The following MAGI2 variants were observed in gnomAD, a reference collection of about 807,000 sequenced individuals.
MAGI2 encodes the protein membrane-associated guanylate kinase, WW and PDZ domain-containing protein 2.
A neutral mutation model predicts 133.3 loss-of-function variants in MAGI2; 35 were observed. The ratio of observed to expected loss-of-function variants is 0.26; its 90% CI spans 0.20 to 0.35. MAGI2 has a LOEUF of 0.35. MAGI2 is among the 10% of genes least tolerant of loss of function. MAGI2 has a pLI of 1.00. For synonymous variants in MAGI2, 729 were observed against 710.6 expected, an observed-to-expected ratio of 1.03 and a Z score of -0.41; for missense variants, 1,636 against 1,863.4, an observed-to-expected ratio of 0.88 and a Z score of 2.25.
At chr7:78,600,331 G>A (rs569447239) in intron 3 of MAGI2, among the ~76,000 whole-genome samples, 6 of 152,018 alleles carry the variant, frequency 3.9e-5, no homozygotes, top group Non-Finnish European at 8.8e-5. Context: ...TAGATGGAGA[G>A]TTAACTAGAC....
chr7:79,453,568 C>T lies in MAGI2; in HGVS notation c.-248G>A. Reference sequence around the variant, plus strand: ...GTTGTGCTGTCCCTTGAATGACACTCAAGGCTGTGGCCCCGCAGCAGAGGA... The same window carrying T: ...GTTGTGCTGTCCCTTGAATGACACTTAAGGCTGTGGCCCCGCAGCAGAGGA... On this transcript the variant is annotated 5_prime_UTR_variant, in exon 1 of 22. Coordinates refer to ENST00000354212, the MANE Select transcript of MAGI2 (RefSeq NM_012301.4). The T allele has an allele frequency of 2.5e-6, 3 of 1,206,886 alleles. No homozygotes were observed. Among genetic ancestry groups the T allele is most frequent in the Non-Finnish European group, 3.1e-6 (3 of 971,430 alleles). The allele number at this position is 1,206,886 out of a possible 1,614,324, so 74.8% of individuals were successfully genotyped here. A position where few individuals can be genotyped will look rare whatever the true frequency, so the allele number is the denominator to read the frequency against.
At chr7:78,279,943 C>T (rs1294955868) in intron 9 of MAGI2, among the ~76,000 whole-genome samples, 1 of 152,126 alleles carries the variant, frequency 6.6e-6, no homozygotes, top group Non-Finnish European at 1.5e-5. Flanking sequence ...ATCCTCAAAC[C>T]CAGCAGCAAT....
At chr7:79,439,905 C>T (rs987233479) in intron 1 of MAGI2, among the ~76,000 whole-genome samples, 13 of 152,120 alleles carry the variant, frequency 8.5e-5, no homozygotes, top group African/African-American at 2.9e-4. Context: ...TATGCATACA[C>T]GATTTCCAGT....
chr7:78,677,878 G>T (rs182215670), intron 2 of MAGI2, among the ~76,000 whole-genome samples: 11 of 152,196 alleles, frequency 7.2e-5, no homozygotes, highest in Admixed American at 7.2e-4. Flanking sequence ...CAGCGTCTGG[G>T]GGAGCTGTCA....
chr7:78,884,844 T>A (rs1324075055), intron 2 of MAGI2, among the ~76,000 whole-genome samples: 1 of 151,928 alleles, frequency 6.6e-6, no homozygotes. Flanking sequence ...AAAATAAGTG[T>A]TTCTACTAAA....
chr7:78,294,104 A>G (rs1480974142), intron 9 of MAGI2, among the ~76,000 whole-genome samples: 8 of 152,262 alleles, frequency 5.3e-5, no homozygotes, highest in African/African-American at 1.9e-4. Context: ...TTCTTTAGGA[A>G]ATACTTGCCA....
intron 2 of MAGI2, among the ~76,000 whole-genome samples, chr7:78,912,618 T>C (rs1798482932): frequency 6.6e-6 from 1 of 151,870 alleles, no homozygotes; most frequent in African/African-American, 2.4e-5. Context: ...CTCCAAGTTC[T>C]TCAGTTTTGA....
intron 3 of MAGI2, among the ~76,000 whole-genome samples, chr7:78,621,799 T>A (rs969196901): frequency 6.6e-6 from 1 of 152,034 alleles, no homozygotes; most frequent in Non-Finnish European, 1.5e-5. Flanking sequence ...GGACAATCTA[T>A]CTGATTTCTA....
At chr7:78,272,087 A>C (rs1794638174) in intron 9 of MAGI2, among the ~76,000 whole-genome samples, 2 of 152,198 alleles carry the variant, frequency 1.3e-5, no homozygotes, top group Non-Finnish European at 2.9e-5. Context: ...ATTTAGTGTT[A>C]TAAATTTCCC....
At chr7:79,198,203 T>C (rs1279363700) in intron 1 of MAGI2, among the ~76,000 whole-genome samples, 1 of 151,888 alleles carries the variant, frequency 6.6e-6, no homozygotes, top group East Asian at 1.9e-4. Context: ...CAATGTGCCA[T>C]GATCATGCCA....
chr7:79,434,763 TG>T (rs1848025966), intron 1 of MAGI2, among the ~76,000 whole-genome samples: 1 of 152,212 alleles, frequency 6.6e-6, no homozygotes, highest in African/African-American at 2.4e-5. Context: ...TTAACTTGAC[TG>T]GGCCATGGGG....
chr7:79,410,602 C>A (rs1393192905), intron 1 of MAGI2: 1 of 152,002 alleles, frequency 6.6e-6, no homozygotes, highest in East Asian at 1.9e-4. Context: ...GTCATGAAAA[C>A]CTGTGTAAAG....
chr7:79,146,705 C>T (rs1822665187), intron 1 of MAGI2, among the ~76,000 whole-genome samples: 1 of 152,226 alleles, frequency 6.6e-6, no homozygotes, highest in South Asian at 2.1e-4. Flanking sequence ...CATTCACCTT[C>T]CATCATGATT....
intron 6 of MAGI2, among the ~76,000 whole-genome samples, chr7:78,382,411 T>C (rs1459649592): frequency 6.6e-6 from 1 of 152,100 alleles, no homozygotes; most frequent in African/African-American, 2.4e-5. Context: ...AGCTTACATG[T>C]GTACAAAATT....
chr7:78,022,353 A>T (rs1424704742), intron 21 of MAGI2, among the ~76,000 whole-genome samples: 1 of 152,234 alleles, frequency 6.6e-6, no homozygotes, highest in South Asian at 2.1e-4. Flanking sequence ...TTTCCCCATC[A>T]TTACATCACA....
chr7:78,130,172 T>C (rs1445862776), intron 18 of MAGI2, among the ~76,000 whole-genome samples: 1 of 152,146 alleles, frequency 6.6e-6, no homozygotes, highest in Non-Finnish European at 1.5e-5. Context: ...AATAGTGTTT[T>C]TGCTTATCTT....
At position 78,497,766 on chromosome 7, in the gene MAGI2, T is replaced by TCTATCTGTCTGTCTGTCTATCTATCTA. The variant is rs1385517709; in HGVS notation, c.965+3810_965+3811insTAGATAGATAGACAGACAGACAGATAG. ...TATCTATCTATCTATCTATCTATCT[T>TCTATCTGTCTGTCTGTCTATCTATCTA]TCTATCTTATACACAGAACCAAAGA... On this transcript the variant is annotated intron_variant, in intron 5 of 21. Coordinates refer to ENST00000354212, the MANE Select transcript of MAGI2 (RefSeq NM_012301.4). Among the ~76,000 whole-genome samples, 176 of 135,418 alleles carry TCTATCTGTCTGTCTGTCTATCTATCTA rather than the reference T, an allele frequency of 1.3e-3. 2 individuals are homozygous for TCTATCTGTCTGTCTGTCTATCTATCTA. The highest frequency in any genetic ancestry group is 4.2e-3 in the African/African-American group (158 of 37,530). 88.8% of individuals were successfully genotyped at this position (135,418 alleles called of 152,430 possible).
chr7:78,018,875 TCA>T lies in MAGI2; in HGVS notation c.*438_*439del, dbSNP rs1563005237. 1 of 350,652 alleles carries T rather than the reference TCA, an allele frequency of 2.9e-6. No individual in the cohort carries two copies. The highest frequency in any genetic ancestry group is 4.7e-5 in the Admixed American group (1 of 21,216). 21.7% of individuals were successfully genotyped at this position (350,652 alleles called of 1,614,324 possible). A position where few individuals can be genotyped will look rare whatever the true frequency, so the allele number is the denominator to read the frequency against. The stretch of plus-strand genomic sequence containing the variant: ...ATCAATTAAAAGATATAATCTTGTC[TCA>T]GTTTCAGCTTGCTCCGTGCAGTTTG... On this transcript the variant is annotated 3_prime_UTR_variant, in exon 22 of 22. Coordinates refer to ENST00000354212, the MANE Select transcript of MAGI2 (RefSeq NM_012301.4).
At chr7:78,313,300 A>G (rs1048778238) in intron 9 of MAGI2, among the ~76,000 whole-genome samples, 1 of 152,156 alleles carries the variant, frequency 6.6e-6, no homozygotes, top group African/African-American at 2.4e-5. Flanking sequence ...CCACTGCAAT[A>G]TATCTATGTA....
Sources: gnomAD v4.1 joint callset for allele counts (sites outside exome capture counted in the v4.1 genomes callset) on GRCh38, gnomAD v4.1.1 for gene constraint, MANE v1.5 for transcripts, NCBI Gene and HGNC (gene_info 2026-07-23, HGNC 2026-07-21) for gene names.